The following COL25A1 variants were observed in gnomAD, a reference collection of about 807,000 sequenced individuals.
COL25A1 encodes collagen alpha-1(XXV) chain.
A neutral mutation model predicts 128.4 loss-of-function variants in COL25A1; 103 were observed. The ratio of observed to expected loss-of-function variants is 0.80; its 90% CI spans 0.68 to 0.94. The LOEUF is 0.94. Ranked by LOEUF, COL25A1 falls within the 40% of genes least tolerant of loss-of-function variation. The probability of loss-of-function intolerance (pLI) is 0.00; values close to 1 mark genes in which losing one functional copy is unlikely to be tolerated. For missense variants in COL25A1, 745 were observed against 840.0 expected, an observed-to-expected ratio of 0.89 and a Z score of 1.40; for synonymous variants, 279 against 277.2, an observed-to-expected ratio of 1.01 and a Z score of -0.06.
chr4:109,000,724 C>A (rs923315190), intron 6 of COL25A1, among the ~76,000 whole-genome samples: 1 of 110,932 alleles, frequency 9.0e-6, no homozygotes, highest in African/African-American at 3.7e-5. Context: ...CCAGCCTGGG[C>A]AACAGAGTGA....
chr4:109,041,039 A>T (rs1759840244), intron 5 of COL25A1, among the ~76,000 whole-genome samples: 1 of 151,996 alleles, frequency 6.6e-6, no homozygotes, highest in Non-Finnish European at 1.5e-5. Flanking sequence ...ACTTTTTTTC[A>T]CAGAAGCATT....
chr4:109,120,134 C>T (rs1767987116), intron 3 of COL25A1, among the ~76,000 whole-genome samples: 1 of 151,954 alleles, frequency 6.6e-6, no homozygotes, highest in South Asian at 2.1e-4. Flanking sequence ...GAGCCTCTAC[C>T]GGATAAAGAA....
chr4:109,268,547 C>A (rs1781949705), intron 3 of COL25A1, among the ~76,000 whole-genome samples: 2 of 152,048 alleles, frequency 1.3e-5, no homozygotes, highest in African/African-American at 4.8e-5. Context: ...TACAATGAAC[C>A]TGTGTAAACC....
chr4:109,096,012 T>A (rs1035371048), intron 3 of COL25A1, among the ~76,000 whole-genome samples: 2 of 152,192 alleles, frequency 1.3e-5, no homozygotes, highest in South Asian at 4.1e-4. Flanking sequence ...GTTAGGAAAC[T>A]GAAGTGGAGC....
At chr4:108,864,536 A>G (rs1310691008) in intron 20 of COL25A1, among the ~76,000 whole-genome samples, 1 of 152,246 alleles carries the variant, frequency 6.6e-6, no homozygotes, top group East Asian at 1.9e-4. Context: ...ATCTCTATGA[A>G]GTATAAATAT....
At chr4:109,087,811 T>C (rs1579324128) in intron 3 of COL25A1, among the ~76,000 whole-genome samples, 1 of 152,200 alleles carries the variant, frequency 6.6e-6, no homozygotes, top group East Asian at 1.9e-4. Context: ...ATAATTAGAA[T>C]TCCCATAATA....
At chr4:109,008,764 C>T (rs1370244811) in intron 6 of COL25A1, among the ~76,000 whole-genome samples, 1 of 151,490 alleles carries the variant, frequency 6.6e-6, no homozygotes, top group East Asian at 1.9e-4. Context: ...CGCACACACA[C>T]ACACACACAC....
chr4:109,070,909 C>T (rs1333458564), intron 3 of COL25A1, among the ~76,000 whole-genome samples: 1 of 152,018 alleles, frequency 6.6e-6, no homozygotes, highest in Admixed American at 6.6e-5. Flanking sequence ...TGTATATGTG[C>T]CACATTTTCT....
intron 8 of COL25A1, among the ~76,000 whole-genome samples, chr4:108,973,066 T>C (rs1481232444): frequency 1.3e-5 from 2 of 152,200 alleles, no homozygotes; most frequent in African/African-American, 2.4e-5. Context: ...GTTTCCCTCT[T>C]ACCTGGAAAG....
In COL25A1 at chr4:109,301,720, C is replaced by T. The variant is rs774906628; in HGVS notation, c.297+3G>A. 11 of 1,611,638 alleles carry T rather than the reference C, an allele frequency of 6.8e-6. No homozygotes were observed. The highest frequency in any genetic ancestry group is 9.3e-6 in the Non-Finnish European group (11 of 1,178,180). ...ACGTGCAAAATACCCCAGCCTCTCACACCTGAGCCAGAAGTCGCTCCACTT... is the reference window on the plus strand; with the variant it reads ...ACGTGCAAAATACCCCAGCCTCTCATACCTGAGCCAGAAGTCGCTCCACTT... On this transcript the variant is annotated splice_donor_region_variant and intron_variant, in intron 2 of 37. Transcript: ENST00000399132.
intron 5 of COL25A1, among the ~76,000 whole-genome samples, chr4:109,010,932 C>T (rs1042861954): frequency 6.6e-6 from 1 of 152,196 alleles, no homozygotes; most frequent in African/African-American, 2.4e-5. Context: ...AGCCTAAGGA[C>T]ATTTTAAAAG....
chr4:108,900,791 ATG>A (rs1742743520), intron 14 of COL25A1, among the ~76,000 whole-genome samples: 1 of 152,148 alleles, frequency 6.6e-6, no homozygotes, highest in Non-Finnish European at 1.5e-5. Context: ...CAATATGGAC[ATG>A]ACCTATGTTT....
chr4:109,079,181 C>A (rs923289015), intron 3 of COL25A1, among the ~76,000 whole-genome samples: 1 of 152,168 alleles, frequency 6.6e-6, no homozygotes, highest in Admixed American at 6.5e-5. Flanking sequence ...TCAGACTGAA[C>A]TAAAGTAAAG....
intron 18 of COL25A1, among the ~76,000 whole-genome samples, chr4:108,885,147 A>C (rs193219736): frequency 2.0e-5 from 3 of 152,184 alleles, no homozygotes; most frequent in Admixed American, 2.0e-4. Flanking sequence ...CAACTATACT[A>C]AAAGACACAG....
intron 3 of COL25A1, among the ~76,000 whole-genome samples, chr4:109,255,030 G>A (rs999557978): frequency 6.6e-6 from 1 of 152,166 alleles, no homozygotes; most frequent in African/African-American, 2.4e-5. Context: ...GGAGTCACTG[G>A]GCAAGGAAAA....
intron 3 of COL25A1, among the ~76,000 whole-genome samples, chr4:109,087,608 T>C (rs1764529817): frequency 6.6e-6 from 1 of 152,220 alleles, no homozygotes; most frequent in Admixed American, 6.5e-5. Context: ...TCAGGTTTAT[T>C]AGAAACATTT....
chr4:108,994,364 G>A (rs1178079199), intron 6 of COL25A1, among the ~76,000 whole-genome samples: 1 of 152,238 alleles, frequency 6.6e-6, no homozygotes, highest in Non-Finnish European at 1.5e-5. Context: ...TAGCGCAGAA[G>A]TCTGAGATTG....
At chr4:109,114,756 G>T (rs1579412619) in intron 3 of COL25A1, among the ~76,000 whole-genome samples, 1 of 152,048 alleles carries the variant, frequency 6.6e-6, no homozygotes, top group Non-Finnish European at 1.5e-5. Flanking sequence ...AAAGGCATGT[G>T]CAATACTGGC....
intron 3 of COL25A1, among the ~76,000 whole-genome samples, chr4:109,233,486 G>A (rs1779283056): frequency 6.7e-6 from 1 of 149,406 alleles, no homozygotes; most frequent in Admixed American, 6.7e-5. Context: ...TCTTTCTTCT[G>A]ACTATTGGAA....
Sources: allele counts gnomAD v4.1 joint callset (sites outside exome capture counted in the v4.1 genomes callset), GRCh38; gene constraint gnomAD v4.1.1; transcripts MANE v1.5; gene names NCBI Gene and HGNC (gene_info 2026-07-23, HGNC 2026-07-21).